The following IL1RAPL2 variants were observed in gnomAD, a reference collection of about 807,000 sequenced individuals.
IL1RAPL2 encodes interleukin 1 receptor accessory protein like 2.
A neutral mutation model predicts 44.1 loss-of-function variants in IL1RAPL2; 3 were observed. The ratio of observed to expected loss-of-function variants is 0.07; its 90% confidence interval spans 0.03 to 0.18. IL1RAPL2 has a LOEUF of 0.18. IL1RAPL2 is among the 10% of genes least tolerant of loss of function. IL1RAPL2 has a pLI of 1.00. For missense variants in IL1RAPL2, 391 were observed against 496.4 expected (o/e 0.79, Z 2.02); for synonymous variants, 181 against 178.8 (o/e 1.01, Z -0.10).
chrX:104,981,687 C>T (rs1287069563), intron 2 of IL1RAPL2, among the ~76,000 whole-genome samples: 1 of 110,788 alleles, frequency 9.0e-6, no homozygotes. Flanking sequence ...AGCTTTTGCC[C>T]ACTCAGTAGG....
At position 105,266,544 on chromosome X, in the gene IL1RAPL2, G is replaced by A. The variant is rs1404440936; in HGVS notation, c.544-844G>A. Among the ~76,000 whole-genome samples the A allele has an allele frequency of 2.7e-5, 3 of 111,450 alleles. No individual in the cohort carries two copies. The East Asian group carries it at 8.5e-4, about 32-fold the overall frequency. ...ATTGCCTGAATATTCTTACATACTTGGATATTGTTATATCCTTGTCACTTT... is the reference window on the plus strand; with the variant it reads ...ATTGCCTGAATATTCTTACATACTTAGATATTGTTATATCCTTGTCACTTT... On this transcript the variant is annotated intron_variant, in intron 4 of 10. Transcript: ENST00000372582.
At chrX:105,552,615 G>A (rs1224321505) in intron 6 of IL1RAPL2, among the ~76,000 whole-genome samples, 3 of 111,785 alleles carry the variant, frequency 2.7e-5, no homozygotes, top group African/African-American at 9.8e-5. Context: ...TGTCCTCTCT[G>A]TCTTCCTCCA....
intron 5 of IL1RAPL2, among the ~76,000 whole-genome samples, chrX:105,297,925 A>T (rs1291365587): frequency 9.0e-6 from 1 of 111,205 alleles, no homozygotes; most frequent in Non-Finnish European, 1.9e-5. Context: ...CATTTTCTCT[A>T]TGTGTGTGTG....
intron 2 of IL1RAPL2, among the ~76,000 whole-genome samples, chrX:104,691,234 C>A (rs1002793827): frequency 8.9e-6 from 1 of 111,980 alleles, no homozygotes; most frequent in Non-Finnish European, 1.9e-5. Context: ...CCTCTTGTCA[C>A]GTCAGGGCCT....
chrX:105,764,739 G>A (rs2147599176), intron 10 of IL1RAPL2, among the ~76,000 whole-genome samples: 1 of 111,159 alleles, frequency 9.0e-6, no homozygotes, highest in African/African-American at 3.3e-5. Flanking sequence ...TCAAGAGGTC[G>A]AGGTTGCAGA....
chrX:104,951,469 A>G (rs914230250), intron 2 of IL1RAPL2, among the ~76,000 whole-genome samples: 1 of 112,620 alleles, frequency 8.9e-6, no homozygotes, highest in African/African-American at 3.2e-5. Context: ...AAAATCATTC[A>G]TATTCAACTT....
intron 2 of IL1RAPL2, among the ~76,000 whole-genome samples, chrX:104,898,237 T>C (rs866397393): frequency 1.8e-5 from 2 of 111,479 alleles, no homozygotes; most frequent in Admixed American, 1.9e-4. Flanking sequence ...GGTAAAACAA[T>C]AGTGGGATAG....
In IL1RAPL2 at chrX:105,256,103, C is replaced by T. The variant is rs6616579; in HGVS notation, c.544-11285C>T. ...ATTGAAGTACATCAAGGATATCAGC[C>T]TGAAGTTTGTTGTTGTGTCTCTGTC... On this transcript the variant is annotated intron_variant, in intron 4 of 10. Coordinates refer to ENST00000372582, the MANE Select transcript of IL1RAPL2 (RefSeq NM_017416.2). Among the ~76,000 whole-genome samples the T allele has an allele frequency of 4.0e-3, 444 of 111,007 alleles. 1 individual carries two copies. Among genetic ancestry groups the T allele is most frequent in the African/African-American group, 0.014 (418 of 30,589 alleles).
At chrX:104,937,410 G>C (rs1387188550) in intron 2 of IL1RAPL2, among the ~76,000 whole-genome samples, 1 of 112,115 alleles carries the variant, frequency 8.9e-6, no homozygotes, top group African/African-American at 3.2e-5. Flanking sequence ...AGCTTTCAGA[G>C]TCTTCTGTAT....
In IL1RAPL2 at chrX:105,036,035, C is replaced by G. The variant is rs1234386881; in HGVS notation, c.83-159440C>G. ...CATGGTTCCCTCTACCAACCATGGC[C>G]TCTATGGAAGATCATGAGGTATCAG... On this transcript the variant is annotated intron_variant, in intron 2 of 10. Coordinates refer to ENST00000372582, the MANE Select transcript of IL1RAPL2 (RefSeq NM_017416.2). Among the ~76,000 whole-genome samples, 10 of 111,922 alleles carry G rather than the reference C, an allele frequency of 8.9e-5. No individual in the cohort carries two copies. The East Asian group carries it at 2.8e-3, about 32-fold the overall frequency.
intron 2 of IL1RAPL2, among the ~76,000 whole-genome samples, chrX:105,038,779 C>T (rs746084008): frequency 1.8e-5 from 2 of 110,371 alleles, no homozygotes; most frequent in South Asian, 8.0e-4. Context: ...ACCTCCAGTG[C>T]CCTGTCTCCT....
At chrX:104,740,881 A>C (rs1932091291) in intron 2 of IL1RAPL2, among the ~76,000 whole-genome samples, 1 of 111,677 alleles carries the variant, frequency 9.0e-6, no homozygotes, top group African/African-American at 3.2e-5. Flanking sequence ...TAATGTAGAT[A>C]TCTACAGTGG....
At chrX:104,857,580 T>A (rs1290888661) in intron 2 of IL1RAPL2, among the ~76,000 whole-genome samples, 3 of 111,976 alleles carry the variant, frequency 2.7e-5, no homozygotes, top group Non-Finnish European at 3.8e-5. Context: ...GTTGCTAGGA[T>A]GTTTTCTTGC....
chrX:104,883,345 C>A (rs1383013368), intron 2 of IL1RAPL2, among the ~76,000 whole-genome samples: 1 of 111,220 alleles, frequency 9.0e-6, no homozygotes, highest in Non-Finnish European at 1.9e-5. Flanking sequence ...TCTCTAACAA[C>A]CCCCGACTCT....
intron 2 of IL1RAPL2, among the ~76,000 whole-genome samples, chrX:104,738,146 A>T (rs1482707762): frequency 8.9e-6 from 1 of 112,496 alleles, no homozygotes; most frequent in Non-Finnish European, 1.9e-5. Flanking sequence ...ACACAGCTAT[A>T]CCATATTCAC....
intron 2 of IL1RAPL2, among the ~76,000 whole-genome samples, chrX:104,998,590 A>T (rs1366120221): frequency 9.0e-6 from 1 of 110,512 alleles, no homozygotes; most frequent in Non-Finnish European, 1.9e-5. Context: ...CCTGGGAAAC[A>T]TAGTGAAACA....
At chrX:105,211,454 G>A (rs1368552927) in intron 3 of IL1RAPL2, among the ~76,000 whole-genome samples, 1 of 110,842 alleles carries the variant, frequency 9.0e-6, no homozygotes, top group Non-Finnish European at 1.9e-5. Context: ...ATAAACCTGG[G>A]GTTAACCCCA....
chrX:105,733,580 T>G (rs1421116490), intron 7 of IL1RAPL2, among the ~76,000 whole-genome samples: 5 of 111,413 alleles, frequency 4.5e-5, no homozygotes, highest in Non-Finnish European at 7.5e-5. Flanking sequence ...AATTTCAGTT[T>G]AGGAGGTTTC....
chrX:105,239,585 A>AACAGACCCCCTTTTGACTTCTATTG (rs1556205915), intron 4 of IL1RAPL2, among the ~76,000 whole-genome samples: 1 of 85,792 alleles, frequency 1.2e-5, no homozygotes, highest in African/African-American at 1.0e-4. Flanking sequence ...CTGGTTATCC[A>AACAGACCCCCTTTTGACTTCTATTG]TGTATAAGGC....
Sources: gnomAD v4.1 joint callset for allele counts (sites outside exome capture counted in the v4.1 genomes callset) on GRCh38, gnomAD v4.1.1 for gene constraint, MANE v1.5 for transcripts, NCBI Gene and HGNC (gene_info 2026-07-23, HGNC 2026-07-21) for gene names.